IFT80: variants seen among roughly 807,000 people sequenced by gnomAD.
IFT80 encodes intraflagellar transport 80.
In IFT80, 79 loss-of-function variants were observed where a neutral mutation model predicts 107.9. The ratio of observed to expected loss-of-function variants is 0.73; its 90% CI spans 0.61 to 0.88. The LOEUF is 0.88. Ranked by LOEUF, IFT80 falls within the 40% of genes least tolerant of loss-of-function variation. The probability of loss-of-function intolerance (pLI) is 0.00; values close to 1 mark genes in which losing one functional copy is unlikely to be tolerated. For missense variants in IFT80, 797 were observed against 914.2 expected, an observed-to-expected ratio of 0.87 and a Z score of 1.65; for synonymous variants, 299 against 300.9, an observed-to-expected ratio of 0.99 and a Z score of 0.07.
At chr3:160,364,547 G>GCATA (rs1244087168) in intron 6 of IFT80, among the ~76,000 whole-genome samples, 3 of 152,142 alleles carry the variant, frequency 2.0e-5, no homozygotes, top group African/African-American at 7.2e-5. Context: ...AAAGACACAT[G>GCATA]CATACATATA....
intron 19 of IFT80, among the ~76,000 whole-genome samples, chr3:160,266,584 A>C (rs945584491): frequency 6.6e-6 from 1 of 151,948 alleles, no homozygotes; most frequent in Admixed American, 6.6e-5. Flanking sequence ...GGATCTCACT[A>C]TGTTGCCTAA....
chr3:160,351,559 A>ATATATATATACACACATATATTATATG (rs1720700355), intron 8 of IFT80, among the ~76,000 whole-genome samples: 1 of 142,430 alleles, frequency 7.0e-6, no homozygotes, highest in South Asian at 2.1e-4. Context: ...TATTATATGT[A>ATATATATATACACACATATATTATATG]TATATATATA....
At chr3:160,382,801 T>C (rs1472858561) in intron 2 of IFT80, among the ~76,000 whole-genome samples, 1 of 152,202 alleles carries the variant, frequency 6.6e-6, no homozygotes, top group African/African-American at 2.4e-5. Flanking sequence ...CTAATTATTC[T>C]AGGATGTTCC....
chr3:160,381,266 T>A (rs112075988), intron 3 of IFT80, among the ~76,000 whole-genome samples: 1,734 of 69,554 alleles, frequency 0.025, 30 homozygotes, highest in Non-Finnish European at 0.041. Flanking sequence ...ATATATATAT[T>A]AAAGCCAAAG....
Position 160,384,475 on chromosome 3 carries a change from A to G in IFT80, c.37+89T>C, listed in dbSNP as rs879632510. ...ACTAAAGGAATGAAAAAAAAAATCT[A>G]TTCTTCAACTAGGATATAAAATAGA... On this transcript the variant is annotated intron_variant, in intron 2 of 19. Coordinates refer to ENST00000326448, the MANE Select transcript of IFT80 (RefSeq NM_020800.3). The G allele has an allele frequency of 2.0e-5, 27 of 1,353,782 alleles. No individual in the cohort carries two copies. In the Admixed American group the frequency reaches 2.5e-4, roughly 12 times the overall value. The allele number at this position is 1,353,782 out of a possible 1,614,324, so 83.9% of individuals were successfully genotyped here.
intron 12 of IFT80, among the ~76,000 whole-genome samples, chr3:160,288,214 T>C (rs527618016): frequency 6.6e-6 from 1 of 152,190 alleles, no homozygotes; most frequent in South Asian, 2.1e-4. Context: ...GCGCCTGTAG[T>C]CCCAGCTACT....
At chr3:160,261,831 G>A (rs1396918523) in intron 19 of IFT80, among the ~76,000 whole-genome samples, 1 of 151,084 alleles carries the variant, frequency 6.6e-6, no homozygotes. Flanking sequence ...GGGACCTGAA[G>A]GAGATGAGTG....
At chr3:160,299,945 G>A (rs181220723) in intron 12 of IFT80, among the ~76,000 whole-genome samples, 4 of 152,032 alleles carry the variant, frequency 2.6e-5, no homozygotes, top group African/African-American at 9.6e-5. Context: ...CTTCACCATG[G>A]CCAAGTCTCT....
chr3:160,363,645 G>A (rs1333655920), intron 6 of IFT80, among the ~76,000 whole-genome samples: 1 of 152,076 alleles, frequency 6.6e-6, no homozygotes, highest in African/African-American at 2.4e-5. Flanking sequence ...GCATGGTACT[G>A]GTACCAAAAC....
intron 8 of IFT80, among the ~76,000 whole-genome samples, chr3:160,350,338 C>T (rs1720587398): frequency 1.3e-5 from 2 of 150,890 alleles, no homozygotes; most frequent in Middle Eastern, 6.8e-3. Context: ...ATCACTTGAA[C>T]CCGGGAGGCA....
intron 12 of IFT80, among the ~76,000 whole-genome samples, chr3:160,295,195 T>A (rs556617991): frequency 1.3e-5 from 2 of 152,314 alleles, no homozygotes; most frequent in Admixed American, 1.3e-4. Context: ...GTTAGGCTAC[T>A]GCTTTAAGAA....
In IFT80 at chr3:160,366,057, C is replaced by T. The variant is rs1721838846; in HGVS notation, c.535G>A (p.Ala179Thr). 2.5e-6 allele frequency: 4 copies of T among 1,611,962 alleles called. No homozygotes were observed. The highest frequency in any genetic ancestry group is 2.5e-6 in the Non-Finnish European group (3 of 1,178,678). The change falls in exon 6 of 20, where the codon GCT becomes ACT. Residue 179 changes from alanine (A) to threonine (T), a missense_variant. Ala to Thr is a moderately conservative substitution (Grantham distance 58). Transcript: ENST00000326448. ...QLIIKPLQPN[A>T]KVLQWKAHDG... Reference sequence around the variant, plus strand: ...CTGAGAAGTACCTGCAAAACTTTAGCATTTGGTTGAAGAGGTTTAATGATT... The same window carrying T: ...CTGAGAAGTACCTGCAAAACTTTAGTATTTGGTTGAAGAGGTTTAATGATT...
intron 8 of IFT80, among the ~76,000 whole-genome samples, chr3:160,344,711 C>A (rs1242844990): frequency 6.6e-6 from 1 of 151,944 alleles, no homozygotes; most frequent in Non-Finnish European, 1.5e-5. Flanking sequence ...GGATTAGTAA[C>A]CAGAATATAT....
chr3:160,361,121 T>C (rs891556136), intron 6 of IFT80, among the ~76,000 whole-genome samples: 64 of 152,260 alleles, frequency 4.2e-4, no homozygotes, highest in African/African-American at 1.5e-3. Context: ...GTGTGCTGTA[T>C]TCAGGAGAAC....
chr3:160,381,265 T>TATATATATATATATATATATATATATA (rs1559971346), intron 3 of IFT80, among the ~76,000 whole-genome samples: 164 of 135,212 alleles, frequency 1.2e-3, no homozygotes, highest in Non-Finnish European at 2.1e-3. Context: ...TATATATATA[T>TATATATATATATATATATATATATATA]TAAAGCCAAA....
chr3:160,358,418 T>C (rs1721257903), intron 6 of IFT80, among the ~76,000 whole-genome samples: 1 of 152,240 alleles, frequency 6.6e-6, no homozygotes, highest in Admixed American at 6.5e-5. Context: ...TTTATCTTCA[T>C]GTGTCTGGTT....
intron 8 of IFT80, among the ~76,000 whole-genome samples, chr3:160,352,575 A>T (rs932297211): frequency 6.6e-6 from 1 of 152,070 alleles, no homozygotes; most frequent in African/African-American, 2.4e-5. Context: ...ACTTCCTAAA[A>T]ATACCACTTC....
Position 160,356,119 on chromosome 3 carries a change from T to C in IFT80, c.671A>G (p.Asn224Ser), listed in dbSNP as rs374410076. ...AATGGGATGCTCATGAGGTTGTGAATTGTACAGTGGGCGGCCGTAACTATC... is the reference window on the plus strand; with the variant it reads ...AATGGGATGCTCATGAGGTTGTGAACTGTACAGTGGGCGGCCGTAACTATC... ...VWDSYGRPLY[N>S]SQPHEHPITS... The change falls in exon 8 of 20, where the codon AAT (asparagine) becomes AGT (serine). Residue 224 changes from asparagine to serine, a missense_variant. By Grantham distance (46) the Asn-to-Ser change is conservative. Transcript: ENST00000326448. 2.5e-5 allele frequency: 40 copies of C among 1,614,060 alleles called. No homozygotes were observed. The highest frequency in any genetic ancestry group is 2.9e-5 in the Non-Finnish European group (34 of 1,180,004).
At chr3:160,344,142 A>G (rs1720114812) in intron 8 of IFT80, among the ~76,000 whole-genome samples, 1 of 151,832 alleles carries the variant, frequency 6.6e-6, no homozygotes, top group Non-Finnish European at 1.5e-5. Context: ...TGTGCATAAA[A>G]CTCATTGCTA....
Sources: gnomAD v4.1 joint callset for allele counts (sites outside exome capture counted in the v4.1 genomes callset) on GRCh38, gnomAD v4.1.1 for gene constraint, MANE v1.5 for transcripts, NCBI Gene and HGNC (gene_info 2026-07-23, HGNC 2026-07-21) for gene names.